Variants in NCAM2 observed in about 807,000 individuals in gnomAD.
NCAM2 encodes the protein neural cell adhesion molecule 2, also known as N-CAM-2.
A neutral mutation model predicts 98.1 loss-of-function variants in NCAM2; 30 were observed. The observed-to-expected ratio is 0.31, with a 90% CI of 0.23 to 0.41. The LOEUF (loss-of-function observed/expected upper bound fraction) is 0.41. NCAM2 is among the 10% of genes least tolerant of loss of function. The pLI, the probability that NCAM2 is intolerant of heterozygous loss-of-function variation, is 1.00. For missense variants in NCAM2, 867 were observed against 1,005.8 expected (o/e 0.86, Z 1.87); for synonymous variants, 368 against 342.4 (o/e 1.07, Z -0.83).
chr21:21,199,832 A>T (rs2069142319), intron 1 of NCAM2, among the ~76,000 whole-genome samples: 1 of 152,008 alleles, frequency 6.6e-6, no homozygotes, highest in Non-Finnish European at 1.5e-5. Flanking sequence ...TGAGCTATTT[A>T]TGTCACATCT....
In NCAM2 at chr21:21,410,267, A is replaced by T. The variant is rs770485182; in HGVS notation, c.1196-7A>T. The T allele has an allele frequency of 1.4e-6, 2 of 1,459,210 alleles. No individual in the cohort carries two copies. The highest frequency in any genetic ancestry group is 4.4e-5 in the Admixed American group (2 of 45,136). 90.4% of individuals were successfully genotyped at this position (1,459,210 alleles called of 1,614,324 possible). ...GCCTATAATTATTTTATTATATTGT[A>T]TTACAGATGCCCCCAAGTTTATATC... On this transcript the variant is annotated splice_polypyrimidine_tract_variant and splice_region_variant and intron_variant, in intron 9 of 17. Transcript: ENST00000400546.
chr21:21,171,061 G>A lies in NCAM2; in HGVS notation c.56-109517G>A, dbSNP rs188879804. ...TAGATTACACAGTCAATTAGACAAG[G>A]GTGTGGTAATACATTTATAATGTGA... On this transcript the variant is annotated intron_variant, in intron 1 of 17. Transcript: ENST00000400546. Among the ~76,000 whole-genome samples the A allele has an allele frequency of 2.4e-4, 37 of 152,210 alleles. No individual in the cohort carries two copies. In the East Asian group the frequency reaches 3.5e-3, roughly 14 times the overall value.
At chr21:21,233,569 A>G (rs1447412280) in intron 1 of NCAM2, among the ~76,000 whole-genome samples, 1 of 151,754 alleles carries the variant, frequency 6.6e-6, no homozygotes, top group Non-Finnish European at 1.5e-5. Context: ...TTAGATAAAA[A>G]TGATCATATT....
At chr21:21,084,252 CT>C (rs960407532) in intron 1 of NCAM2, among the ~76,000 whole-genome samples, 4 of 152,260 alleles carry the variant, frequency 2.6e-5, no homozygotes, top group Admixed American at 2.6e-4. Flanking sequence ...TCCTAACACC[CT>C]TACCTTAGGG....
chr21:21,456,793 C>T (rs1251071915), intron 12 of NCAM2, among the ~76,000 whole-genome samples: 2 of 152,024 alleles, frequency 1.3e-5, no homozygotes, highest in Non-Finnish European at 1.5e-5. Context: ...GGATTGGTGC[C>T]CTTTTAAAAG....
chr21:21,496,723 G>A (rs1025146183), intron 15 of NCAM2, among the ~76,000 whole-genome samples: 7 of 152,024 alleles, frequency 4.6e-5, no homozygotes, highest in African/African-American at 1.7e-4. Context: ...TTAGGTTGTC[G>A]TCCAGGATTT....
intron 11 of NCAM2, among the ~76,000 whole-genome samples, chr21:21,429,179 G>T (rs779808149): frequency 5.9e-5 from 9 of 152,134 alleles, no homozygotes; most frequent in Non-Finnish European, 1.3e-4. Flanking sequence ...ATCTGAAAAC[G>T]GACTATATAA....
intron 8 of NCAM2, among the ~76,000 whole-genome samples, chr21:21,345,951 A>G (rs1365864978): frequency 6.6e-6 from 1 of 152,098 alleles, no homozygotes; most frequent in Non-Finnish European, 1.5e-5. Context: ...AATCACCCTC[A>G]CTGAAGGAAG....
At chr21:21,203,073 A>G (rs2069295408) in intron 1 of NCAM2, among the ~76,000 whole-genome samples, 1 of 152,168 alleles carries the variant, frequency 6.6e-6, no homozygotes, top group Non-Finnish European at 1.5e-5. Flanking sequence ...TGAACTCTAT[A>G]AGAATATAGT....
chr21:21,025,845 T>A (rs779288658), intron 1 of NCAM2, among the ~76,000 whole-genome samples: 2 of 152,218 alleles, frequency 1.3e-5, no homozygotes, highest in African/African-American at 2.4e-5. Flanking sequence ...ATTAACTGAT[T>A]GGCAAGTATA....
intron 9 of NCAM2, among the ~76,000 whole-genome samples, chr21:21,394,396 GA>G (rs1229280350): frequency 7.4e-6 from 1 of 135,472 alleles, no homozygotes; most frequent in Non-Finnish European, 1.5e-5. Context: ...TTAAATGACT[GA>G]AAAAAAAGAA....
intron 16 of NCAM2, among the ~76,000 whole-genome samples, chr21:21,533,828 G>C (rs1989842198): frequency 6.6e-6 from 1 of 151,684 alleles, no homozygotes; most frequent in South Asian, 2.1e-4. Context: ...TTCATCAATT[G>C]TGAAAAATTA....
intron 9 of NCAM2, 141 bp from the exon 10 acceptor site, chr21:21,410,133 A>G: frequency 1.9e-6 from 1 of 522,264 alleles, no homozygotes; most frequent in Non-Finnish European, 3.0e-6. Context: ...ACTCCGTCTC[A>G]AAAAGAAAAA....
At chr21:21,101,250 A>G (rs1247456945) in intron 1 of NCAM2, among the ~76,000 whole-genome samples, 3 of 152,086 alleles carry the variant, frequency 2.0e-5, no homozygotes, top group Non-Finnish European at 4.4e-5. Flanking sequence ...CATAAGCTGT[A>G]AACATAATAG....
At chr21:21,243,514 G>A (rs77688930) in intron 1 of NCAM2, among the ~76,000 whole-genome samples, 2,604 of 152,280 alleles carry the variant, frequency 0.017, 88 homozygotes, top group East Asian at 0.13. Flanking sequence ...TGACAGTTAA[G>A]AGATGTCGAG....
intron 4 of NCAM2, among the ~76,000 whole-genome samples, chr21:21,286,949 T>C (rs2073123957): frequency 6.6e-6 from 1 of 151,936 alleles, no homozygotes; most frequent in African/African-American, 2.4e-5. Flanking sequence ...ATGTTTATTA[T>C]TCTGGGGCAG....
At chr21:21,481,051 G>A (rs184966649) in intron 15 of NCAM2, among the ~76,000 whole-genome samples, 63 of 152,326 alleles carry the variant, frequency 4.1e-4, no homozygotes, top group African/African-American at 1.4e-3. Flanking sequence ...CCATGATGCT[G>A]TCAGTGTTAA....
At chr21:21,243,610 T>A (rs894740743) in intron 1 of NCAM2, among the ~76,000 whole-genome samples, 1 of 152,174 alleles carries the variant, frequency 6.6e-6, no homozygotes, top group Non-Finnish European at 1.5e-5. Context: ...GTTGTGCCCA[T>A]GGTGGCATGC....
intron 1 of NCAM2, among the ~76,000 whole-genome samples, chr21:21,264,986 ATG>A (rs2072107612): frequency 1.0e-5 from 1 of 97,084 alleles, no homozygotes; most frequent in East Asian, 2.7e-4. Context: ...TATATTATAT[ATG>A]TGTATGTGTA....
Sources: allele counts gnomAD v4.1 joint callset (sites outside exome capture counted in the v4.1 genomes callset), GRCh38; gene constraint gnomAD v4.1.1; transcripts MANE v1.5; gene names NCBI Gene and HGNC (gene_info 2026-07-23, HGNC 2026-07-21).